PTPRD: variants seen among roughly 807,000 people sequenced by gnomAD.
PTPRD encodes receptor-type tyrosine-protein phosphatase delta.
A neutral mutation model predicts 214.5 loss-of-function variants in PTPRD; 34 were observed. The observed-to-expected ratio is 0.16, with a 90% CI of 0.12 to 0.21. The LOEUF (loss-of-function observed/expected upper bound fraction) is 0.21, where lower values mean the gene tolerates loss of function less well. Among genes scored for constraint, PTPRD ranks in the 10% least tolerant of loss-of-function variants. PTPRD has a pLI of 1.00. For synonymous variants in PTPRD, 1,128 were observed against 845.7 expected, an observed-to-expected ratio of 1.33 and a Z score of -5.79; for missense variants, 2,545 against 2,398.7, an observed-to-expected ratio of 1.06 and a Z score of -1.27.
intron 3 of PTPRD, among the ~76,000 whole-genome samples, chr9:10,305,238 C>T (rs1250798563): frequency 6.6e-6 from 1 of 151,978 alleles, no homozygotes; most frequent in African/African-American, 2.4e-5. Context: ...CTTGCTTACA[C>T]CTTATAGCAA....
chr9:10,360,635 A>AT (rs376810518), intron 2 of PTPRD, among the ~76,000 whole-genome samples: 14 of 152,162 alleles, frequency 9.2e-5, no homozygotes, highest in Non-Finnish European at 1.8e-4. Flanking sequence ...GTTTTCTAAT[A>AT]TTTTTTTGAA....
chr9:8,842,898 A>G (rs1446106497), intron 11 of PTPRD, among the ~76,000 whole-genome samples: 2 of 152,164 alleles, frequency 1.3e-5, no homozygotes, highest in African/African-American at 2.4e-5. Flanking sequence ...CATCCTAACA[A>G]AGACACACTT....
chr9:10,486,704 G>C (rs1036712252), intron 2 of PTPRD, among the ~76,000 whole-genome samples: 1 of 152,098 alleles, frequency 6.6e-6, no homozygotes, highest in African/African-American at 2.4e-5. Flanking sequence ...AATGTTTTAG[G>C]ACATTTTTGT....
intron 35 of PTPRD, among the ~76,000 whole-genome samples, chr9:8,411,950 G>C (rs1280914584): frequency 6.6e-6 from 1 of 152,158 alleles, no homozygotes; most frequent in Non-Finnish European, 1.5e-5. Flanking sequence ...GAGTATTAAA[G>C]AATTTCCAGG....
At chr9:10,483,231 G>T (rs953135064) in intron 2 of PTPRD, among the ~76,000 whole-genome samples, 1 of 151,996 alleles carries the variant, frequency 6.6e-6, no homozygotes, top group Non-Finnish European at 1.5e-5. Context: ...GGATAGCCAC[G>T]TGTAGAAAAA....
At chr9:10,384,232 T>A (rs2097872314) in intron 2 of PTPRD, among the ~76,000 whole-genome samples, 1 of 151,824 alleles carries the variant, frequency 6.6e-6, no homozygotes, top group South Asian at 2.1e-4. Context: ...ATATACTATT[T>A]CACATGATGT....
intron 3 of PTPRD, among the ~76,000 whole-genome samples, chr9:10,051,145 A>G (rs1414604306): frequency 6.6e-6 from 1 of 152,138 alleles, no homozygotes; most frequent in Non-Finnish European, 1.5e-5. Context: ...ACAAGCATAG[A>G]ATGAAGTCAT....
At chr9:10,291,750 T>G (rs2095533969) in intron 3 of PTPRD, among the ~76,000 whole-genome samples, 2 of 152,064 alleles carry the variant, frequency 1.3e-5, no homozygotes, top group Non-Finnish European at 2.9e-5. Flanking sequence ...ACTCCAGGAC[T>G]GTACAAAAAT....
At chr9:8,453,805 G>A (rs182270101) in intron 33 of PTPRD, among the ~76,000 whole-genome samples, 79 of 152,268 alleles carry the variant, frequency 5.2e-4, no homozygotes, top group Non-Finnish European at 3.1e-4. Flanking sequence ...GTGTATTTCC[G>A]TCAAGTTCCC....
At chr9:10,380,652 G>A (rs967680242) in intron 2 of PTPRD, among the ~76,000 whole-genome samples, 1 of 151,980 alleles carries the variant, frequency 6.6e-6, no homozygotes, top group Non-Finnish European at 1.5e-5. Flanking sequence ...AGGCATTAGT[G>A]GAGTATTCTG....
intron 12 of PTPRD, among the ~76,000 whole-genome samples, chr9:8,681,488 T>C (rs1680892431): frequency 6.6e-6 from 1 of 152,138 alleles, no homozygotes; most frequent in Non-Finnish European, 1.5e-5. Flanking sequence ...TTCCCAGCCT[T>C]CTCTTTTTCC....
At chr9:9,845,199 T>A (rs1388304812) in intron 5 of PTPRD, among the ~76,000 whole-genome samples, 12 of 124,376 alleles carry the variant, frequency 9.6e-5, no homozygotes, top group Non-Finnish European at 1.3e-4. Context: ...TATATATAGC[T>A]ATATATATAC....
chr9:10,375,613 A>T (rs1407248472), intron 2 of PTPRD, among the ~76,000 whole-genome samples: 1 of 152,052 alleles, frequency 6.6e-6, no homozygotes, highest in African/African-American at 2.4e-5. Flanking sequence ...TCAGTAATTT[A>T]AAAACTGGCA....
chr9:8,805,976 C>G (rs568810053), intron 11 of PTPRD, among the ~76,000 whole-genome samples: 29 of 126,968 alleles, frequency 2.3e-4, no homozygotes, highest in African/African-American at 8.9e-4. Flanking sequence ...GCCTGGGCTA[C>G]AGAACGAGAC....
intron 9 of PTPRD, among the ~76,000 whole-genome samples, chr9:9,341,005 C>G (rs574499527): frequency 6.6e-6 from 1 of 152,084 alleles, no homozygotes; most frequent in South Asian, 2.1e-4. Flanking sequence ...GGTATGTATA[C>G]AAAAGCTTTC....
intron 8 of PTPRD, among the ~76,000 whole-genome samples, chr9:9,470,007 G>T (rs1337688964): frequency 1.3e-5 from 2 of 152,074 alleles, no homozygotes; most frequent in Non-Finnish European, 2.9e-5. Flanking sequence ...TGAATACTGG[G>T]GTGGATGAAC....
At chr9:9,515,834 G>T (rs1335024612) in intron 8 of PTPRD, among the ~76,000 whole-genome samples, 1 of 151,840 alleles carries the variant, frequency 6.6e-6, no homozygotes, top group Non-Finnish European at 1.5e-5. Context: ...TTGTTATAAT[G>T]TTCTTTGTAT....
chr9:9,729,612 C>T (rs920300043), intron 7 of PTPRD, among the ~76,000 whole-genome samples: 1 of 152,050 alleles, frequency 6.6e-6, no homozygotes, highest in Non-Finnish European at 1.5e-5. Context: ...AAAGCAAATG[C>T]TCATAATTTT....
chr9:8,482,706 A>G (rs938939671), intron 30 of PTPRD, among the ~76,000 whole-genome samples: 5 of 152,192 alleles, frequency 3.3e-5, no homozygotes, highest in Admixed American at 3.3e-4. Flanking sequence ...TAGAGGATAT[A>G]GTTTTCACTT....
Sources: allele counts gnomAD v4.1 joint callset (sites outside exome capture counted in the v4.1 genomes callset), GRCh38; gene constraint gnomAD v4.1.1; transcripts MANE v1.5; gene names NCBI Gene and HGNC (gene_info 2026-07-23, HGNC 2026-07-21).